Variants in ATP6V1A observed in about 807,000 individuals in gnomAD.
ATP6V1A encodes ATPase H+ transporting V1 subunit A.
In ATP6V1A, 18 loss-of-function variants were observed where a neutral mutation model predicts 70.1. That is an observed-to-expected ratio of 0.26 (90% CI 0.18 to 0.38). The LOEUF is 0.38. Ranked by LOEUF, ATP6V1A falls within the 10% of genes least tolerant of loss-of-function variation. ATP6V1A has a pLI of 1.00. For missense variants in ATP6V1A, 424 were observed against 772.4 expected (o/e 0.55, Z 5.35); for synonymous variants, 232 against 253.8 (o/e 0.91, Z 0.82).
In ATP6V1A at chr3:113,789,742, A is replaced by C; in HGVS notation, c.890A>C (p.Glu297Ala). 6.2e-7 allele frequency: 1 copy of C among 1,606,452 alleles called. No individual in the cohort carries two copies. Among genetic ancestry groups the C allele is most frequent in the African/African-American group, 1.3e-5 (1 of 74,804 alleles). The change falls in exon 8 of 15, where the codon GAG becomes GCG. Residue 297 changes from glutamate to alanine, a missense_variant. Transcript: ENST00000273398. ...ATATTTTACCTCTAGCTCACAATGG[A>C]GGTTGATGGTAAGGTAGAGTCAATT... ...VLRDFPELTM[E>A]VDGKVESIMK...
intron 8 of ATP6V1A, among the ~76,000 whole-genome samples, chr3:113,790,254 G>A (rs1382920386): frequency 7.3e-6 from 1 of 136,108 alleles, no homozygotes; most frequent in East Asian, 2.2e-4. Context: ...AGCGAGCCGA[G>A]ATCGCGCCAC....
intron 10 of ATP6V1A, 77 bp from the exon 11 acceptor site, chr3:113,795,799 T>G: frequency 1.8e-6 from 2 of 1,128,508 alleles, no homozygotes; most frequent in Non-Finnish European, 2.5e-6. Context: ...AAAGTTAACA[T>G]TTATATATAT....
At chr3:113,788,314 CTACTT>C (rs1559757302) in intron 6 of ATP6V1A, among the ~76,000 whole-genome samples, 1 of 151,270 alleles carries the variant, frequency 6.6e-6, no homozygotes, top group African/African-American at 2.4e-5. Flanking sequence ...TGTTCCTTAC[CTACTT>C]TATTTTTATT....
intron 8 of ATP6V1A, 78 bp from the exon 9 acceptor site, chr3:113,794,794 G>T: frequency 6.7e-7 from 1 of 1,491,286 alleles, no homozygotes; most frequent in Non-Finnish European, 9.0e-7. Flanking sequence ...ATTGCTTTAA[G>T]GTTTTCTTAA....
In ATP6V1A at chr3:113,809,488, T is replaced by C; in HGVS notation, c.*61T>C. 6.8e-7 allele frequency: 1 copy of C among 1,460,554 alleles called. No homozygotes were observed. Among genetic ancestry groups the C allele is most frequent in the Non-Finnish European group, 9.5e-7 (1 of 1,055,338 alleles). The allele number at this position is 1,460,554 out of a possible 1,614,324, so 90.5% of individuals were successfully genotyped here. On this transcript the variant is annotated 3_prime_UTR_variant, in exon 15 of 15. Transcript: ENST00000273398. ...TCAGCAAGCTCCTATGTGTATATTT[T>C]CCTGAATTTCTCATCTCAAACCCTT...
At chr3:113,801,414 A>C (rs1005845858) in intron 12 of ATP6V1A, among the ~76,000 whole-genome samples, 1 of 152,196 alleles carries the variant, frequency 6.6e-6, no homozygotes, top group African/African-American at 2.4e-5. Context: ...TGAGAACATC[A>C]CATTATACTA....
chr3:113,805,932 G>T (rs1237129019), intron 14 of ATP6V1A, among the ~76,000 whole-genome samples: 1 of 152,130 alleles, frequency 6.6e-6, no homozygotes, highest in Non-Finnish European at 1.5e-5. Flanking sequence ...TGTAAAATCA[G>T]TAGAGACCTC....
intron 12 of ATP6V1A, chr3:113,803,276 C>G (rs1073040): frequency 0.36 from 75,533 of 210,442 alleles, 13,829 homozygotes; most frequent in African/African-American, 0.4. Flanking sequence ...AGAGAAAGGA[C>G]AGTTACTGTT....
chr3:113,798,230 T>G lies in ATP6V1A; in HGVS notation c.1291-13T>G, dbSNP rs747074429. 89 of 1,612,828 alleles carry G rather than the reference T, an allele frequency of 5.5e-5. No individual in the cohort carries two copies. The highest frequency in any genetic ancestry group is 3.1e-4 in the East Asian group (14 of 44,872). On this transcript the variant is annotated splice_polypyrimidine_tract_variant and intron_variant, in intron 11 of 14. Coordinates refer to ENST00000273398, the MANE Select transcript of ATP6V1A (RefSeq NM_001690.4). Reference sequence around the variant, plus strand: ...AAAATTACTGTTTTTGTGTGTGTGTTTTTTTTAATCAGGTGTTCTGGGGCT... The same window carrying G: ...AAAATTACTGTTTTTGTGTGTGTGTGTTTTTTAATCAGGTGTTCTGGGGCT...
chr3:113,791,429 A>G (rs891826406), intron 8 of ATP6V1A, among the ~76,000 whole-genome samples: 29 of 143,426 alleles, frequency 2.0e-4, no homozygotes, highest in African/African-American at 6.5e-4. Flanking sequence ...CACAGTTTTC[A>G]TTTATTCTTT....
At chr3:113,800,238 A>C (rs1014056224) in intron 12 of ATP6V1A, among the ~76,000 whole-genome samples, 13 of 152,056 alleles carry the variant, frequency 8.5e-5, no homozygotes, top group African/African-American at 2.4e-5. Flanking sequence ...TCTCAAAAAA[A>C]AAAAAAAAAG....
chr3:113,781,882 C>T (rs948194327), intron 3 of ATP6V1A, among the ~76,000 whole-genome samples: 4 of 152,138 alleles, frequency 2.6e-5, no homozygotes, highest in African/African-American at 9.7e-5. Context: ...ACAAATAAAA[C>T]GGTCACCATT....
intron 1 of ATP6V1A, among the ~76,000 whole-genome samples, chr3:113,755,401 G>C (rs995090635): frequency 1.5e-5 from 2 of 133,844 alleles, no homozygotes; most frequent in Non-Finnish European, 3.1e-5. Flanking sequence ...CCCAGGAATT[G>C]AAGGGCAACA....
intron 2 of ATP6V1A, 109 bp downstream of exon 2, chr3:113,778,944 T>G (rs946090689): frequency 1.3e-6 from 1 of 752,166 alleles, no homozygotes; most frequent in Non-Finnish European, 2.0e-6. Context: ...GCATAAATTC[T>G]GTTTGTCCTT....
At chr3:113,801,777 A>C (rs1376216330) in intron 12 of ATP6V1A, among the ~76,000 whole-genome samples, 3 of 152,226 alleles carry the variant, frequency 2.0e-5, no homozygotes, top group Non-Finnish European at 4.4e-5. Flanking sequence ...CCAAAGACAC[A>C]AGTAAGAAGT....
At chr3:113,807,219 G>GTCCAGGC (rs1709285194) in intron 14 of ATP6V1A, among the ~76,000 whole-genome samples, 1 of 118,286 alleles carries the variant, frequency 8.5e-6, no homozygotes, top group South Asian at 3.0e-4. Flanking sequence ...TTGCTCTGTT[G>GTCCAGGC]TCCAGGCTGG....
chr3:113,806,446 A>T (rs987301287), intron 14 of ATP6V1A, among the ~76,000 whole-genome samples: 1 of 150,822 alleles, frequency 6.6e-6, no homozygotes, highest in Admixed American at 6.6e-5. Flanking sequence ...AATATCATGT[A>T]CTGCAGGTCA....
chr3:113,751,829 GAAT>G (rs984724771), intron 1 of ATP6V1A, among the ~76,000 whole-genome samples: 3 of 151,616 alleles, frequency 2.0e-5, no homozygotes, highest in Non-Finnish European at 3.0e-5. Context: ...GTGATCTTTA[GAAT>G]AATGATTTAT....
At chr3:113,799,841 C>A (rs1207288742) in intron 12 of ATP6V1A, among the ~76,000 whole-genome samples, 1 of 152,158 alleles carries the variant, frequency 6.6e-6, no homozygotes, top group East Asian at 1.9e-4. Flanking sequence ...ATATATATTT[C>A]TTCTATGAAA....
Sources: allele counts gnomAD v4.1 joint callset (sites outside exome capture counted in the v4.1 genomes callset), GRCh38; gene constraint gnomAD v4.1.1; transcripts MANE v1.5; gene names NCBI Gene and HGNC (gene_info 2026-07-23, HGNC 2026-07-21).